The following RYR2 variants were observed in gnomAD, a reference collection of about 807,000 sequenced individuals.
The protein encoded by RYR2 is cardiac muscle ryanodine receptor-calcium release channel.
RYR2 carries 227 observed loss-of-function variants against 601.1 expected under a neutral mutation model. That is an observed-to-expected ratio of 0.38 (90% CI 0.34 to 0.42). The LOEUF is 0.42. RYR2 is among the 10% of genes least tolerant of loss of function. The probability of loss-of-function intolerance (pLI) is 1.00; values close to 1 mark genes in which losing one functional copy is unlikely to be tolerated. For synonymous variants in RYR2, 2,223 were observed against 2,175.1 expected, an observed-to-expected ratio of 1.02 and a Z score of -0.61; for missense variants, 4,646 against 6,156.5, an observed-to-expected ratio of 0.75 and a Z score of 8.21.
At chr1:237,786,158 A>C in intron 91 of RYR2, 122 bp downstream of exon 91, 1 of 669,534 alleles carries the variant, frequency 1.5e-6, no homozygotes. Flanking sequence ...CACAGAACTA[A>C]TTGTGCCATC....
chr1:237,727,786 C>T (rs1222229472), intron 76 of RYR2, among the ~76,000 whole-genome samples: 2 of 152,020 alleles, frequency 1.3e-5, no homozygotes, highest in Non-Finnish European at 2.9e-5. Context: ...TTGACAGGCC[C>T]GTCAACCTTC....
rs1392874800 is a variant in RYR2, at chr1:237,734,919, A to G, written c.11091+1163A>G. Among the ~76,000 whole-genome samples, 5 of 152,218 alleles carry G rather than the reference A, an allele frequency of 3.3e-5. No homozygotes were observed. In the South Asian group the frequency reaches 8.3e-4, roughly 25 times the overall value. ...TATCAGCATTAGAAGCCGTAGGAGT[A>G]GATGATCTTACCCAGGAAGAGATGA... On this transcript the variant is annotated intron_variant, in intron 79 of 104. Transcript: ENST00000366574.
intron 1 of RYR2, among the ~76,000 whole-genome samples, chr1:237,135,062 C>T (rs1485067939): frequency 6.6e-6 from 1 of 152,166 alleles, no homozygotes; most frequent in East Asian, 1.9e-4. Context: ...TTTCATTTAA[C>T]AAGTAAGCTG....
chr1:237,783,875 C>T lies in RYR2; in HGVS notation c.12163C>T (p.His4055Tyr). 6.2e-7 allele frequency: 1 copy of T among 1,613,776 alleles called. No individual in the cohort carries two copies. Among genetic ancestry groups the T allele is most frequent in the South Asian group, 1.1e-5 (1 of 91,022 alleles). Reference protein sequence around the residue: ...KRDFHKAMESHKHYTQSETEF... With the variant: ...KRDFHKAMESYKHYTQSETEF... ...GGACTTCCACAAAGCGATGGAGAGC[C>T]ATAAGCACTACACGCAGTCAGAAAC... The change falls in exon 90 of 105, where the codon CAT becomes TAT. Residue 4055 changes from histidine (H) to tyrosine (Y), a missense_variant. By Grantham distance (83) the His-to-Tyr change is moderately conservative. This residue lies in a region of RYR2 where 66 missense variants were observed against 80.7 expected (regional missense o/e 0.82). Transcript: ENST00000366574.
chr1:237,684,046 G>T (rs997705656), intron 62 of RYR2, among the ~76,000 whole-genome samples: 2 of 151,934 alleles, frequency 1.3e-5, no homozygotes, highest in African/African-American at 4.8e-5. Flanking sequence ...TCCTGCCTCA[G>T]CCTCCTGAGT....
At chr1:237,074,300 G>C (rs1274726475) in intron 1 of RYR2, among the ~76,000 whole-genome samples, 1 of 152,210 alleles carries the variant, frequency 6.6e-6, no homozygotes, top group Non-Finnish European at 1.5e-5. Context: ...CTGGGTGACA[G>C]AGCAAGATCA....
chr1:237,269,646 G>A (rs1018562717), intron 1 of RYR2, among the ~76,000 whole-genome samples: 1 of 152,136 alleles, frequency 6.6e-6, no homozygotes, highest in African/African-American at 2.4e-5. Context: ...TGCATTTGGT[G>A]CCTTTTGTAT....
chr1:237,148,529 TA>T (rs1558319918), intron 1 of RYR2, among the ~76,000 whole-genome samples: 15 of 42,534 alleles, frequency 3.5e-4, no homozygotes, highest in African/African-American at 1.4e-3. Context: ...AAAAAAAAAA[TA>T]TATATATATA....
intron 10 of RYR2, among the ~76,000 whole-genome samples, chr1:237,401,606 C>T (rs1193423704): frequency 6.6e-6 from 1 of 152,212 alleles, no homozygotes. Context: ...ATTTTACCCT[C>T]TTAGCACATA....
At chr1:237,305,160 CTT>C (rs981821361) in intron 2 of RYR2, among the ~76,000 whole-genome samples, 5 of 152,220 alleles carry the variant, frequency 3.3e-5, no homozygotes, top group African/African-American at 1.2e-4. Context: ...TCTAGCAAGA[CTT>C]TTGCTCACGT....
chr1:237,422,453 A>C (rs1445622560), intron 11 of RYR2, among the ~76,000 whole-genome samples: 1 of 151,554 alleles, frequency 6.6e-6, no homozygotes, highest in Non-Finnish European at 1.5e-5. Context: ...TGTTTATTAC[A>C]TTTTTTCCTG....
chr1:237,702,052 G>T lies in RYR2; in HGVS notation c.9442G>T (p.Val3148Leu). Reference protein sequence around the residue: ...YALGTSKSIYVERQRSALGEC... With the variant: ...YALGTSKSIYLERQRSALGEC... ...TTTGGGAACCAGCAAGAGTATTTAC[G>T]TGGAGAGGTAAGAATGTTTAAAGTT... Residue 3148 changes from valine to leucine, a missense_variant, in exon 66 of 105, where the codon GTG becomes TTG. Physicochemically the swap from Val to Leu is conservative, Grantham distance 32 (BLOSUM62 1). This residue lies in a region of RYR2 where 1,497 missense variants were observed against 1,842.6 expected (regional missense o/e 0.81). Coordinates refer to ENST00000366574, the MANE Select transcript of RYR2 (RefSeq NM_001035.3). 2 of 1,580,542 alleles carry T rather than the reference G, an allele frequency of 1.3e-6. No homozygotes were observed. Among genetic ancestry groups the T allele is most frequent in the Non-Finnish European group, 8.7e-7 (1 of 1,150,174 alleles).
At chr1:237,138,323 A>G (rs1673021873) in intron 1 of RYR2, among the ~76,000 whole-genome samples, 1 of 152,124 alleles carries the variant, frequency 6.6e-6, no homozygotes, top group African/African-American at 2.4e-5. Context: ...GTGAGCCACC[A>G]TGCCCATCCT....
chr1:237,563,303 C>T (rs1306912417), intron 27 of RYR2, among the ~76,000 whole-genome samples: 1 of 151,412 alleles, frequency 6.6e-6, no homozygotes, highest in Non-Finnish European at 1.5e-5. Flanking sequence ...CCCAGCTACT[C>T]AGGAAGCCGA....
intron 10 of RYR2, among the ~76,000 whole-genome samples, chr1:237,414,151 T>C (rs1704710668): frequency 6.6e-6 from 1 of 152,242 alleles, no homozygotes. Flanking sequence ...TTTAAAAAGC[T>C]GTGTCTTTGT....
chr1:237,694,682 T>G (rs989257444), intron 63 of RYR2, among the ~76,000 whole-genome samples: 5 of 152,206 alleles, frequency 3.3e-5, no homozygotes, highest in African/African-American at 1.2e-4. Context: ...CAGTTGAACA[T>G]AGCATTATAG....
intron 1 of RYR2, among the ~76,000 whole-genome samples, chr1:237,102,744 A>G (rs1367928449): frequency 6.6e-6 from 1 of 151,990 alleles, no homozygotes; most frequent in East Asian, 1.9e-4. Context: ...TAATCCCGCT[A>G]CTCGGGAGGC....
In RYR2 at chr1:237,369,587, G is replaced by A; in HGVS notation, c.363G>A (p.Leu121=). The change falls in exon 6 of 105, where the codon CTG becomes CTA. Residue 121 remains leucine, a synonymous_variant. Transcript: ENST00000366574. ...TCCTCTACGGACATGCCATATTGCT[G>A]CGCCATTCCTATAGTGGCATGGTGA... ...RTLLYGHAIL[L]RHSYSGMYLC... 2 of 1,563,292 alleles carry A rather than the reference G, an allele frequency of 1.3e-6. No individual in the cohort carries two copies. Among genetic ancestry groups the A allele is most frequent in the South Asian group, 1.2e-5 (1 of 84,800 alleles).
chr1:237,326,822 C>T lies in RYR2; in HGVS notation c.169-4056C>T, dbSNP rs570723774. The stretch of plus-strand genomic sequence containing the variant: ...AAAATGTTTTACCTTATCTTCCATT[C>T]CTGGCATTAGGAGTCATTTTGGTTC... On this transcript the variant is annotated intron_variant, in intron 2 of 104. Coordinates refer to ENST00000366574, the MANE Select transcript of RYR2 (RefSeq NM_001035.3). 1.1e-4 allele frequency among the ~76,000 whole-genome samples: 16 copies of T among 152,272 alleles called. No homozygotes were observed. In the East Asian group the frequency reaches 2.7e-3, roughly 26 times the overall value.
Sources: allele counts gnomAD v4.1 joint callset (sites outside exome capture counted in the v4.1 genomes callset), GRCh38; gene constraint gnomAD v4.1.1; regional missense constraint gnomAD v4.1.1; transcripts MANE v1.5; gene names NCBI Gene and HGNC (gene_info 2026-07-23, HGNC 2026-07-21).